CDH11: variants seen among roughly 807,000 people sequenced by gnomAD.
CDH11 encodes the protein cadherin-11.
In CDH11, 11 loss-of-function variants were observed where a neutral mutation model predicts 67.8. That is an observed-to-expected ratio of 0.16 (90% CI 0.10 to 0.27). The LOEUF (loss-of-function observed/expected upper bound fraction) is 0.27. Among genes scored for constraint, CDH11 ranks in the 10% least tolerant of loss-of-function variants. CDH11 has a pLI of 1.00. For synonymous variants in CDH11, 419 were observed against 400.0 expected (o/e 1.05, Z -0.57); for missense variants, 847 against 1,031.2 (o/e 0.82, Z 2.45).
chr16:64,954,333 T>C (rs1170660744), intron 11 of CDH11, among the ~76,000 whole-genome samples: 2 of 152,176 alleles, frequency 1.3e-5, no homozygotes, highest in Non-Finnish European at 2.9e-5. Context: ...GGGAAAGAAA[T>C]GGACTAAGGC....
At chr16:65,078,838 T>C (rs1331035403) in intron 1 of CDH11, among the ~76,000 whole-genome samples, 2 of 152,198 alleles carry the variant, frequency 1.3e-5, no homozygotes, top group African/African-American at 4.8e-5. Flanking sequence ...ATTTGGGGTA[T>C]TTGGCAGAAT....
chr16:65,112,175 T>A (rs2075172192), intron 1 of CDH11, among the ~76,000 whole-genome samples: 1 of 152,050 alleles, frequency 6.6e-6, no homozygotes, highest in Non-Finnish European at 1.5e-5. Flanking sequence ...GGGGAGATAG[T>A]TTGGCTCAAC....
At chr16:65,076,263 T>C (rs1254416632) in intron 1 of CDH11, among the ~76,000 whole-genome samples, 1 of 152,208 alleles carries the variant, frequency 6.6e-6, no homozygotes, top group African/African-American at 2.4e-5. Flanking sequence ...CTCTTCCAAT[T>C]CCTGCATCTA....
chr16:65,107,085 C>T (rs1382759517), intron 1 of CDH11, among the ~76,000 whole-genome samples: 1 of 152,020 alleles, frequency 6.6e-6, no homozygotes, highest in African/African-American at 2.4e-5. Flanking sequence ...AGTCCCAGGC[C>T]GTCAGTAAGC....
chr16:65,117,316 A>G (rs1372062544), intron 1 of CDH11, among the ~76,000 whole-genome samples: 2 of 152,236 alleles, frequency 1.3e-5, no homozygotes, highest in Non-Finnish European at 2.9e-5. Context: ...GTAGCCACTT[A>G]AAACAGTACT....
chr16:65,057,804 T>C (rs2074171496), intron 1 of CDH11, among the ~76,000 whole-genome samples: 1 of 152,180 alleles, frequency 6.6e-6, no homozygotes, highest in Non-Finnish European at 1.5e-5. Flanking sequence ...AGCAAGGAAG[T>C]AGCATAACTG....
At chr16:64,972,492 A>T (rs2072034876) in intron 9 of CDH11, among the ~76,000 whole-genome samples, 1 of 152,168 alleles carries the variant, frequency 6.6e-6, no homozygotes, top group African/African-American at 2.4e-5. Flanking sequence ...AGGGTCCAGA[A>T]ATCAAGCTTG....
intron 2 of CDH11, among the ~76,000 whole-genome samples, chr16:65,023,211 G>A (rs2073462124): frequency 6.6e-6 from 1 of 152,130 alleles, no homozygotes; most frequent in African/African-American, 2.4e-5. Flanking sequence ...AGGCCTCAAA[G>A]CCACTTACCC....
intron 2 of CDH11, among the ~76,000 whole-genome samples, chr16:65,032,161 C>T (rs1019657509): frequency 2.0e-5 from 3 of 152,032 alleles, no homozygotes; most frequent in Non-Finnish European, 4.4e-5. Context: ...TCTTTACAGT[C>T]TTGTGAGGCA....
In CDH11 at chr16:64,971,822, C is replaced by T; in HGVS notation, c.1524+109G>A. 3 of 1,417,712 alleles carry T rather than the reference C, an allele frequency of 2.1e-6. No individual in the cohort carries two copies. The South Asian group carries it at 3.5e-5, about 17-fold the overall frequency. 87.8% of individuals were successfully genotyped at this position (1,417,712 alleles called of 1,614,324 possible). ...ACATAACTTCAGAACAAAACTATGG[C>T]TCTGAAACCTTTTTGGGCAGTGGTT... is the stretch of plus-strand genomic sequence containing the variant. On this transcript the variant is annotated intron_variant, in intron 10 of 12. Coordinates refer to ENST00000268603, the MANE Select transcript of CDH11 (RefSeq NM_001797.4).
intron 1 of CDH11, among the ~76,000 whole-genome samples, chr16:65,088,263 T>G (rs1041780327): frequency 2.0e-5 from 3 of 152,216 alleles, no homozygotes; most frequent in African/African-American, 7.2e-5. Context: ...GAACTGTCAA[T>G]AATACATTTT....
At chr16:65,081,834 A>C (rs1334748265) in intron 1 of CDH11, among the ~76,000 whole-genome samples, 2 of 152,232 alleles carry the variant, frequency 1.3e-5, no homozygotes, top group Non-Finnish European at 1.5e-5. Context: ...TCCTGAATTA[A>C]TTTTTGTTGG....
intron 4 of CDH11, among the ~76,000 whole-genome samples, chr16:64,994,637 TC>T (rs1467841022): frequency 6.6e-6 from 1 of 152,172 alleles, no homozygotes; most frequent in Admixed American, 6.5e-5. Context: ...GCATTCTCCT[TC>T]AGAGCAGGAA....
At chr16:65,011,014 T>TTG (rs2073168598) in intron 2 of CDH11, among the ~76,000 whole-genome samples, 1 of 147,436 alleles carries the variant, frequency 6.8e-6, no homozygotes, top group African/African-American at 2.5e-5. Flanking sequence ...TGTATATATA[T>TTG]GTGTATATAT....
intron 11 of CDH11, among the ~76,000 whole-genome samples, chr16:64,969,216 TATA>T (rs1410643713): frequency 6.6e-6 from 1 of 152,164 alleles, no homozygotes; most frequent in Non-Finnish European, 1.5e-5. Context: ...TGTGTCTTAG[TATA>T]ATGTTTTCAG....
chr16:64,980,641 G>T (rs1044270305), intron 8 of CDH11, among the ~76,000 whole-genome samples: 2 of 152,180 alleles, frequency 1.3e-5, no homozygotes, highest in African/African-American at 4.8e-5. Context: ...GTGCAAAGAA[G>T]TTTTTTAAAC....
intron 1 of CDH11, among the ~76,000 whole-genome samples, chr16:65,064,412 T>A (rs2074281251): frequency 6.6e-6 from 1 of 152,190 alleles, no homozygotes; most frequent in Non-Finnish European, 1.5e-5. Context: ...AAATTTACTG[T>A]TCAGTAAATA....
intron 2 of CDH11, among the ~76,000 whole-genome samples, chr16:65,017,393 A>T (rs918699659): frequency 6.6e-5 from 10 of 152,186 alleles, no homozygotes; most frequent in African/African-American, 9.7e-5. Context: ...AGAAGCAATG[A>T]TATTCCTGCC....
chr16:65,070,696 T>C (rs1051859681), intron 1 of CDH11, among the ~76,000 whole-genome samples: 1 of 152,210 alleles, frequency 6.6e-6, no homozygotes, highest in Non-Finnish European at 1.5e-5. Context: ...GCACCTGGTA[T>C]AGGTCAGTCA....
Sources: allele counts gnomAD v4.1 joint callset (sites outside exome capture counted in the v4.1 genomes callset), GRCh38; gene constraint gnomAD v4.1.1; transcripts MANE v1.5; gene names NCBI Gene and HGNC (gene_info 2026-07-23, HGNC 2026-07-21).